The following FRG1 variants were observed in gnomAD, a reference collection of about 807,000 sequenced individuals.
FRG1 encodes the protein protein FRG1.
Under a neutral mutation model 37.0 loss-of-function variants are expected in FRG1, and 19 were observed. That is an observed-to-expected ratio of 0.51 (90% CI 0.36 to 0.75). The LOEUF (loss-of-function observed/expected upper bound fraction) is 0.75. Ranked by LOEUF, FRG1 falls within the 30% of genes least tolerant of loss-of-function variation. The pLI is 0.00. For synonymous variants in FRG1, 73 were observed against 96.5 expected, an observed-to-expected ratio of 0.76 and a Z score of 1.43; for missense variants, 243 against 301.4, an observed-to-expected ratio of 0.81 and a Z score of 1.44.
At chr4:189,950,743 C>T (rs1324930488) in intron 2 of FRG1, among the ~76,000 whole-genome samples, 1 of 152,044 alleles carries the variant, frequency 6.6e-6, no homozygotes, top group East Asian at 1.9e-4. Context: ...GTGCCCAGGC[C>T]CCAGCATTAA....
In FRG1 at chr4:189,943,202, TAAG is replaced by T. The variant is rs762062327; in HGVS notation, c.69_71del (p.Lys25del). Reference sequence around the variant, plus strand: ...CGTCTATATAAATTATGTCCTGTAGTAAGAAGAAAAAGAGCAAAGATAAGAAAA... The same window carrying T: ...CGTCTATATAAATTATGTCCTGTAGTAAGAAAAAGAGCAAAGATAAGAAAA... On this transcript the variant is annotated inframe_deletion and splice_region_variant, in exon 2 of 9. Transcript: ENST00000226798. The T allele has an allele frequency of 6.3e-7, 1 of 1,587,848 alleles. No homozygotes were observed. The highest frequency in any genetic ancestry group is 1.1e-5 in the South Asian group (1 of 88,168).
intron 3 of FRG1, among the ~76,000 whole-genome samples, chr4:189,952,768 G>C (rs1046093251): frequency 2.6e-5 from 4 of 151,132 alleles, no homozygotes; most frequent in Non-Finnish European, 5.9e-5. Flanking sequence ...AAAGCATTTA[G>C]CTTTTTAAAT....
intron 5 of FRG1, among the ~76,000 whole-genome samples, chr4:189,955,455 A>ATCT (rs199957267): frequency 0.42 from 64,046 of 151,670 alleles, 15,752 homozygotes; most frequent in African/African-American, 0.69. Flanking sequence ...GTTCCTAAGT[A>ATCT]TCTTTGTAGC....
chr4:189,960,980 A>G, intron 7 of FRG1, 141 bp downstream of exon 7: 1 of 907,696 alleles, frequency 1.1e-6, no homozygotes, highest in Non-Finnish European at 1.6e-6. Context: ...AGACAGGAGG[A>G]TTGTTTGAGC....
chr4:189,941,587 A>G (rs1480497528), intron 1 of FRG1, among the ~76,000 whole-genome samples: 1 of 152,212 alleles, frequency 6.6e-6, no homozygotes, highest in East Asian at 1.9e-4. Flanking sequence ...AATTTGTGGC[A>G]AATTGGTTAA....
At chr4:189,962,379 A>C (rs1327140685) in intron 8 of FRG1, among the ~76,000 whole-genome samples, 2 of 152,322 alleles carry the variant, frequency 1.3e-5, no homozygotes, top group East Asian at 3.9e-4. Flanking sequence ...CAGGATGTTT[A>C]TCATACCACA....
intron 2 of FRG1, among the ~76,000 whole-genome samples, chr4:189,946,717 GATATT>G (rs1308894751): frequency 6.6e-6 from 1 of 152,184 alleles, no homozygotes; most frequent in Non-Finnish European, 1.5e-5. Context: ...ACTACATAGA[GATATT>G]ATAGGTATGT....
At chr4:189,956,184 T>G (rs1223171352) in intron 5 of FRG1, among the ~76,000 whole-genome samples, 2 of 151,660 alleles carry the variant, frequency 1.3e-5, no homozygotes, top group Non-Finnish European at 2.9e-5. Context: ...TTATTCTCTT[T>G]TACCCCTTCC....
intron 2 of FRG1, among the ~76,000 whole-genome samples, chr4:189,944,996 C>A (rs1363900705): frequency 6.6e-6 from 1 of 152,052 alleles, no homozygotes; most frequent in Non-Finnish European, 1.5e-5. Context: ...TCTTGCATGC[C>A]TGTTTAAACA....
chr4:189,962,903 A>G (rs879065989), intron 8 of FRG1, among the ~76,000 whole-genome samples, 190 bp from the exon 9 acceptor site: 190 of 152,256 alleles, frequency 1.2e-3, no homozygotes, highest in African/African-American at 4.5e-3. Flanking sequence ...GAATATTAGG[A>G]AATAACTTTT....
At position 189,943,207 on chromosome 4, in the gene FRG1, A is replaced by G. The variant is rs1188168971; in HGVS notation, c.68A>G (p.Lys23Arg). 2 of 1,592,868 alleles carry G rather than the reference A, an allele frequency of 1.3e-6. No homozygotes were observed. The highest frequency in any genetic ancestry group is 1.7e-6 in the Non-Finnish European group (2 of 1,164,898). Reference protein sequence around the residue: ...VLKGTKTKSKKKKSKDKKRKR... With the variant: ...VLKGTKTKSKRKKSKDKKRKR... ...ATATAAATTATGTCCTGTAGTAAGA[A>G]GAAAAAGAGCAAAGATAAGAAAAGA... is the stretch of plus-strand genomic sequence containing the variant. The change falls in exon 2 of 9, where the codon AAG becomes AGG. Residue 23 changes from lysine to arginine, a missense_variant. By Grantham distance (26) the Lys-to-Arg change is conservative. Transcript: ENST00000226798.
At position 189,961,898 on chromosome 4, in the gene FRG1, A is replaced by G. The variant is rs770185254; in HGVS notation, c.706A>G (p.Lys236Glu). The G allele has an allele frequency of 2.4e-5, 38 of 1,597,772 alleles. No homozygotes were observed. Among genetic ancestry groups the G allele is most frequent in the Non-Finnish European group, 3.0e-5 (35 of 1,172,452 alleles). ...CAGTAAAATTCTTAAAAAGGCTCGG[A>G]AAGATGGATTTTTGCATGAGACGCT... ...EDSKILKKAR[K>E]DGFLHETLLD... Residue 236 changes from lysine (K) to glutamate (E), a missense_variant, in exon 8 of 9, where the codon AAA (lysine) becomes GAA (glutamate). Around this residue, in one of 2 missense-constraint regions of FRG1, gnomAD observed 133 missense variants for 199.3 expected, o/e 0.67. Coordinates refer to ENST00000226798, the MANE Select transcript of FRG1 (RefSeq NM_004477.3).
chr4:189,959,973 G>A (rs1737160089), intron 6 of FRG1: 1 of 774,854 alleles, frequency 1.3e-6, no homozygotes, highest in Admixed American at 6.3e-5. Flanking sequence ...CCAGAACACA[G>A]ATCCCTCTTA....
chr4:189,949,246 A>C (rs1173817987), intron 2 of FRG1, among the ~76,000 whole-genome samples: 1 of 152,210 alleles, frequency 6.6e-6, no homozygotes, highest in Admixed American at 6.5e-5. Context: ...GCTTTCTCAC[A>C]GCTAAAACCC....
intron 8 of FRG1, 24 bp from the exon 9 acceptor site, chr4:189,963,064 ATTAAT>A: frequency 1.3e-6 from 2 of 1,508,006 alleles, no homozygotes; most frequent in Non-Finnish European, 1.8e-6. Context: ...TTTTACATAG[ATTAAT>A]TTTATTTTTC....
intron 8 of FRG1, 98 bp downstream of exon 8, chr4:189,962,030 T>G (rs529945245): frequency 1.4e-6 from 1 of 711,962 alleles, no homozygotes; most frequent in South Asian, 1.8e-5. Flanking sequence ...TTTTTCACAT[T>G]TTTGTCTTTA....
Position 189,952,096 on chromosome 4 carries a change from TAAC to T in FRG1, c.134-63_134-61del, listed in dbSNP as rs572972115. ...AGAAGTTTTTAAAATTAAGTTATAA[TAAC>T]AAAAAAAAGAACTCTGTGTCAAAAC... On this transcript the variant is annotated intron_variant, in intron 2 of 8. Coordinates refer to ENST00000226798, the MANE Select transcript of FRG1 (RefSeq NM_004477.3). The T allele has an allele frequency of 1.8e-4, 213 of 1,179,354 alleles. No individual in the cohort carries two copies. In the South Asian group the frequency reaches 2.9e-3, roughly 16 times the overall value. The allele number at this position is 1,179,354 out of a possible 1,614,324, so 73.1% of individuals were successfully genotyped here.
intron 2 of FRG1, among the ~76,000 whole-genome samples, chr4:189,944,726 G>A (rs1736455277): frequency 6.6e-6 from 1 of 151,756 alleles, no homozygotes; most frequent in Non-Finnish European, 1.5e-5. Context: ...TCTATGTATT[G>A]GTCTGTTTCT....
At chr4:189,962,175 C>T (rs1561080494) in intron 8 of FRG1, among the ~76,000 whole-genome samples, 1 of 152,150 alleles carries the variant, frequency 6.6e-6, no homozygotes, top group Non-Finnish European at 1.5e-5. Context: ...TTGACTGTAT[C>T]TACTTCATAA....
Sources: allele counts gnomAD v4.1 joint callset (sites outside exome capture counted in the v4.1 genomes callset), GRCh38; gene constraint gnomAD v4.1.1; regional missense constraint gnomAD v4.1.1; transcripts MANE v1.5; gene names NCBI Gene and HGNC (gene_info 2026-07-23, HGNC 2026-07-21).